Variants in NFATC1 observed in about 807,000 individuals in gnomAD.
The protein encoded by NFATC1 is nuclear factor of activated T cells 1.
In NFATC1, 22 loss-of-function variants were observed where a neutral mutation model predicts 76.0. The observed-to-expected ratio is 0.29, with a 90% CI of 0.21 to 0.41. The LOEUF is 0.41. Ranked by LOEUF, NFATC1 falls within the 10% of genes least tolerant of loss-of-function variation. The pLI is 1.00. For missense variants in NFATC1, 1,357 were observed against 1,337.7 expected, an observed-to-expected ratio of 1.01 and a Z score of -0.23; for synonymous variants, 704 against 613.1, an observed-to-expected ratio of 1.15 and a Z score of -2.19.
At position 79,410,609 on chromosome 18, in the gene NFATC1, G is replaced by C. The variant is rs757297699; in HGVS notation, c.334G>C (p.Ala112Pro). The part of the protein sequence containing the change: ...LSSGHTRPDG[A>P]PALESPRIEI... The stretch of plus-strand genomic sequence containing the variant: ...CTCCGGCCACACCAGGCCTGATGGG[G>C]CCCCTGCCCTGGAGAGTCCTCGCAT... Residue 112 changes from alanine (A) to proline (P), a missense_variant, in exon 2 of 10, where the codon GCC (alanine) becomes CCC (proline). By Grantham distance (27) the Ala-to-Pro change is conservative (BLOSUM62 -1). Coordinates refer to ENST00000427363, the MANE Select transcript of NFATC1 (RefSeq NM_001278669.2). This position sits in a 1 kb window ranked among gnomAD's most constrained non-coding sequence, Gnocchi z 6.7. The C allele has an allele frequency of 8.7e-6, 14 of 1,612,798 alleles. No individual in the cohort carries two copies. The highest frequency in any genetic ancestry group is 1.1e-5 in the Non-Finnish European group (13 of 1,180,008).
At chr18:79,456,999 A>G (rs549287957) in intron 6 of NFATC1, among the ~76,000 whole-genome samples, 16 of 152,342 alleles carry the variant, frequency 1.1e-4, no homozygotes, top group African/African-American at 3.6e-4. Flanking sequence ...GTCCATCCCA[A>G]CAGTTTAAAG....
At chr18:79,506,419 G>T (rs995731351) in intron 9 of NFATC1, among the ~76,000 whole-genome samples, 5 of 152,218 alleles carry the variant, frequency 3.3e-5, no homozygotes, top group Admixed American at 6.5e-5. Flanking sequence ...GTGCTGGCCC[G>T]GCACCTGCTC....
chr18:79,518,827 C>T (rs150770395), intron 9 of NFATC1, among the ~76,000 whole-genome samples: 2 of 152,338 alleles, frequency 1.3e-5, no homozygotes, highest in East Asian at 1.9e-4. Flanking sequence ...AGTGGACGGC[C>T]GTTGATTCTG....
chr18:79,461,227 C>T (rs1368752020), intron 6 of NFATC1, 84 bp from the exon 7 acceptor site: 1 of 1,529,342 alleles, frequency 6.5e-7, no homozygotes, highest in African/African-American at 1.4e-5. Flanking sequence ...GCTCAGGGCC[C>T]TGGGTCTGGA....
intron 3 of NFATC1, among the ~76,000 whole-genome samples, chr18:79,442,147 C>T (rs1420343872): frequency 9.2e-5 from 14 of 152,132 alleles, no homozygotes; most frequent in Admixed American, 5.2e-4. Flanking sequence ...GGGAGGGCAG[C>T]GGGCCGAGGC....
At chr18:79,461,001 C>T (rs552010262) in intron 6 of NFATC1, among the ~76,000 whole-genome samples, 24 of 152,364 alleles carry the variant, frequency 1.6e-4, no homozygotes, top group African/African-American at 2.6e-4. Flanking sequence ...AGGGCCAGGA[C>T]GGATTCCTGA....
At chr18:79,508,091 A>G (rs1459387746) in intron 9 of NFATC1, among the ~76,000 whole-genome samples, 1 of 152,284 alleles carries the variant, frequency 6.6e-6, no homozygotes, top group African/African-American at 2.4e-5. Flanking sequence ...AAAAATCAGA[A>G]TGGAACTGAA....
intron 9 of NFATC1, among the ~76,000 whole-genome samples, chr18:79,525,899 G>T (rs1241246352): frequency 6.6e-6 from 1 of 152,232 alleles, no homozygotes; most frequent in Non-Finnish European, 1.5e-5. Flanking sequence ...AGTGGGAAAG[G>T]AGTTAACTGG....
intron 9 of NFATC1, among the ~76,000 whole-genome samples, chr18:79,522,507 G>GT (rs1280671583): frequency 8.6e-6 from 1 of 116,812 alleles, no homozygotes; most frequent in African/African-American, 3.2e-5. Context: ...TGTGTTTTGT[G>GT]TGGGGGGGGT....
Position 79,410,757 on chromosome 18 carries a change from G to C in NFATC1, c.482G>C (p.Ser161Thr). Residue 161 changes from serine (S) to threonine (T), a missense_variant, in exon 2 of 10, where the codon AGC becomes ACC. This residue lies in a region of NFATC1 where 691 missense variants were observed against 613.1 expected (regional missense o/e 1.13). Coordinates refer to ENST00000427363, the MANE Select transcript of NFATC1 (RefSeq NM_001278669.2). The surrounding 1 kb of genome is among the most constrained non-coding windows in gnomAD (Gnocchi z 6.7). ...TCCACGGCCACGCTGAGTCTGCCCA[G>C]CCTGGAGGCCTACAGAGACCCCTCG... The part of the protein sequence containing the change: ...SPSTATLSLP[S>T]LEAYRDPSCL... 1.2e-6 allele frequency: 2 copies of C among 1,612,988 alleles called. No homozygotes were observed. The highest frequency in any genetic ancestry group is 1.7e-6 in the Non-Finnish European group (2 of 1,180,000).
chr18:79,434,348 CT>C (rs2086699234), intron 3 of NFATC1, among the ~76,000 whole-genome samples: 1 of 152,232 alleles, frequency 6.6e-6, no homozygotes, highest in African/African-American at 2.4e-5. Context: ...TTCCTCACAC[CT>C]TGCGGGAAAG....
intron 2 of NFATC1, among the ~76,000 whole-genome samples, chr18:79,428,443 T>C (rs758068675): frequency 1.3e-5 from 2 of 152,214 alleles, no homozygotes; most frequent in Non-Finnish European, 2.9e-5. Flanking sequence ...CAGTGGCCTT[T>C]GTGGTGCCTC....
chr18:79,441,969 G>A (rs1216977459), intron 3 of NFATC1, among the ~76,000 whole-genome samples: 3 of 152,126 alleles, frequency 2.0e-5, no homozygotes, highest in Non-Finnish European at 4.4e-5. Flanking sequence ...GCGCTTCCAG[G>A]TGCGTTGGGG....
At chr18:79,421,323 C>G (rs1195267685) in intron 2 of NFATC1, 3 of 152,348 alleles carry the variant, frequency 2.0e-5, no homozygotes, top group Admixed American at 6.5e-5. Flanking sequence ...GTGGCACAGA[C>G]CTGGAATCAC....
Position 79,396,341 on chromosome 18 carries a change from A to G in NFATC1, c.117A>G (p.Ser39=), listed in dbSNP as rs1344847585. The G allele has an allele frequency of 5.6e-5, 78 of 1,385,396 alleles. No individual in the cohort carries two copies. Among genetic ancestry groups the G allele is most frequent in the Non-Finnish European group, 6.8e-5 (72 of 1,052,742 alleles). The allele number at this position is 1,385,396 out of a possible 1,614,324, so 85.8% of individuals were successfully genotyped here. The change falls in exon 1 of 10, where the codon TCA becomes TCG. Residue 39 remains serine (S), a synonymous_variant. Transcript: ENST00000427363. ...PAPRAGGTMK[S]AEEEHYGYAS... ...CGCGCGCCGGCGGCACCATGAAGTC[A>G]GCGGAGGAAGGTAAGCCCCGCGCGG... is the stretch of plus-strand genomic sequence containing the variant.
At chr18:79,405,939 C>T (rs1002019583) in intron 1 of NFATC1, among the ~76,000 whole-genome samples, 2 of 152,188 alleles carry the variant, frequency 1.3e-5, no homozygotes, top group Admixed American at 6.5e-5. Flanking sequence ...CACGCCTGGG[C>T]CCCCGTCACA....
At chr18:79,498,902 G>T (rs1410234959) in intron 9 of NFATC1, among the ~76,000 whole-genome samples, 1 of 152,198 alleles carries the variant, frequency 6.6e-6, no homozygotes, top group African/African-American at 2.4e-5. Context: ...TGTCAACCAA[G>T]AATTCTATAT....
intron 3 of NFATC1, among the ~76,000 whole-genome samples, chr18:79,443,776 C>T (rs889106331): frequency 2.0e-5 from 3 of 152,238 alleles, no homozygotes; most frequent in Non-Finnish European, 4.4e-5. Flanking sequence ...GTCCCGGCAC[C>T]TCCAGGCACA....
In NFATC1 at chr18:79,411,461, T is replaced by C; in HGVS notation, c.1186T>C (p.Trp396Arg). The C allele has an allele frequency of 6.8e-7, 1 of 1,470,736 alleles. No individual in the cohort carries two copies. The highest frequency in any genetic ancestry group is 9.0e-7 in the Non-Finnish European group (1 of 1,115,394). The allele number at this position is 1,470,736 out of a possible 1,614,324, so 91.1% of individuals were successfully genotyped here. A position where few individuals can be genotyped will look rare whatever the true frequency, so the allele number is the denominator to read the frequency against. The change falls in exon 2 of 10, where the codon TGG (tryptophan) becomes CGG (arginine). Residue 396 changes from tryptophan (W) to arginine (R), a missense_variant. Coordinates refer to ENST00000427363, the MANE Select transcript of NFATC1 (RefSeq NM_001278669.2). ...YLAVPQHPYQ[W>R]AKPKPLSPTS... ...GGCGGTGCCGCAGCACCCCTACCAGTGGGCGAAGCCCAAGCCCCTGTCCCC... is the reference window on the plus strand; with the variant it reads ...GGCGGTGCCGCAGCACCCCTACCAGCGGGCGAAGCCCAAGCCCCTGTCCCC...
Sources: allele counts gnomAD v4.1 joint callset (sites outside exome capture counted in the v4.1 genomes callset), GRCh38; gene constraint gnomAD v4.1.1; regional missense constraint gnomAD v4.1.1; non-coding constraint Gnocchi (gnomAD v3.1); transcripts MANE v1.5; gene names NCBI Gene and HGNC (gene_info 2026-07-23, HGNC 2026-07-21).